EPHA6: variants seen among roughly 807,000 people sequenced by gnomAD.
The protein encoded by EPHA6 is ephrin type-A receptor 6.
In EPHA6, 50 loss-of-function variants were observed where a neutral mutation model predicts 112.0. That is an observed-to-expected ratio of 0.45 (90% CI 0.36 to 0.56). The LOEUF is 0.56. Among genes scored for constraint, EPHA6 ranks in the 20% least tolerant of loss-of-function variants. EPHA6 has a pLI of 0.00. For missense variants in EPHA6, 1,280 were observed against 1,417.4 expected (o/e 0.90, Z 1.56); for synonymous variants, 529 against 490.7 (o/e 1.08, Z -1.03).
At chr3:97,193,610 A>G (rs185047904) in intron 3 of EPHA6, among the ~76,000 whole-genome samples, 1 of 149,516 alleles carries the variant, frequency 6.7e-6, no homozygotes, top group African/African-American at 2.5e-5. Context: ...TTTTTTTCTG[A>G]TTTGGTTGTC....
chr3:96,938,388 C>A (rs1319072912), intron 2 of EPHA6, among the ~76,000 whole-genome samples: 1 of 150,308 alleles, frequency 6.7e-6, no homozygotes, highest in African/African-American at 2.4e-5. Context: ...TGGGAGTTCA[C>A]TCATGATTTG....
chr3:97,214,034 T>TGAGAGA (rs1362165344), intron 3 of EPHA6, among the ~76,000 whole-genome samples: 10 of 131,732 alleles, frequency 7.6e-5, no homozygotes, highest in Middle Eastern at 3.6e-3. Context: ...TGTGTGTGTG[T>TGAGAGA]GTGTGAGAGA....
chr3:96,980,657 C>T (rs563897612), intron 2 of EPHA6, among the ~76,000 whole-genome samples: 1 of 152,188 alleles, frequency 6.6e-6, no homozygotes, highest in South Asian at 2.1e-4. Context: ...TGGCCATTTT[C>T]ATGATATTGA....
chr3:97,606,597 G>A (rs946902250), intron 12 of EPHA6, among the ~76,000 whole-genome samples: 2 of 151,272 alleles, frequency 1.3e-5, no homozygotes, highest in East Asian at 1.9e-4. Flanking sequence ...AACTGAATGA[G>A]GATGAGATGT....
At chr3:97,094,545 T>G (rs1312872157) in intron 3 of EPHA6, among the ~76,000 whole-genome samples, 1 of 152,196 alleles carries the variant, frequency 6.6e-6, no homozygotes, top group African/African-American at 2.4e-5. Flanking sequence ...AGTTTAGAAA[T>G]ATTAGTGCTA....
intron 3 of EPHA6, among the ~76,000 whole-genome samples, chr3:97,200,814 T>C (rs1358569223): frequency 3.9e-5 from 6 of 152,164 alleles, no homozygotes; most frequent in Non-Finnish European, 8.8e-5. Flanking sequence ...TGAAAATAGA[T>C]GTAGTCATAA....
At chr3:97,598,257 T>C (rs2093610970) in intron 12 of EPHA6, among the ~76,000 whole-genome samples, 1 of 151,914 alleles carries the variant, frequency 6.6e-6, no homozygotes. Flanking sequence ...TCAGGTCATT[T>C]AGTTAAGTTT....
At chr3:97,492,476 A>C (rs2091867754) in intron 10 of EPHA6, among the ~76,000 whole-genome samples, 1 of 141,990 alleles carries the variant, frequency 7.0e-6, no homozygotes, top group African/African-American at 2.6e-5. Context: ...AGGGAGGCGG[A>C]GATTGTAGTG....
intron 5 of EPHA6, among the ~76,000 whole-genome samples, chr3:97,282,567 C>T (rs2080322729): frequency 6.6e-6 from 1 of 151,928 alleles, no homozygotes; most frequent in Non-Finnish European, 1.5e-5. Flanking sequence ...TTCGCAATAG[C>T]AAAGACATGG....
rs1381967647 is a variant in EPHA6 at position 97,434,652 on chromosome 3, T to C, written c.1732-13916T>C. On this transcript the variant is annotated intron_variant, in intron 6 of 17. Transcript: ENST00000389672. ...CTTGTTCCAGGTATCTATTATTGCATAATTTTTAAGCCAAAATGTAGTGGC... is the reference window on the plus strand; with the variant it reads ...CTTGTTCCAGGTATCTATTATTGCACAATTTTTAAGCCAAAATGTAGTGGC... 3.3e-5 allele frequency among the ~76,000 whole-genome samples: 5 copies of C among 152,136 alleles called. No individual in the cohort carries two copies. The East Asian group carries it at 7.7e-4, about 23-fold the overall frequency.
intron 2 of EPHA6, among the ~76,000 whole-genome samples, chr3:96,981,928 A>G (rs922381224): frequency 1.3e-5 from 2 of 151,940 alleles, no homozygotes; most frequent in Non-Finnish European, 2.9e-5. Context: ...TATTACATCT[A>G]TTTGATTCTT....
intron 12 of EPHA6, among the ~76,000 whole-genome samples, chr3:97,594,328 C>A (rs1267462630): frequency 6.6e-6 from 1 of 152,214 alleles, no homozygotes; most frequent in East Asian, 1.9e-4. Flanking sequence ...AGAGAGGGAT[C>A]TAAAAGAACA....
At chr3:97,640,272 G>C (rs1003561769) in intron 14 of EPHA6, among the ~76,000 whole-genome samples, 1 of 152,084 alleles carries the variant, frequency 6.6e-6, no homozygotes, top group Non-Finnish European at 1.5e-5. Context: ...AAAGAAAAAA[G>C]ACATGGAAAT....
intron 3 of EPHA6, among the ~76,000 whole-genome samples, chr3:97,041,146 C>A (rs905688823): frequency 9.9e-5 from 15 of 152,088 alleles, no homozygotes; most frequent in African/African-American, 3.6e-4. Flanking sequence ...TAGTCAAAAA[C>A]AACGAAATCA....
rs2045448059 is a variant in EPHA6 at position 97,044,862 on chromosome 3, A to G, written c.1114+56869A>G. On this transcript the variant is annotated intron_variant, in intron 3 of 17. Coordinates refer to ENST00000389672, the MANE Select transcript of EPHA6 (RefSeq NM_001080448.3). ...GTAAACTATAAAAACTTGGTCACCA[A>G]CTTTTTTTAAAACAAAGTATATGCA... Among the ~76,000 whole-genome samples, 3 of 152,222 alleles carry G rather than the reference A, an allele frequency of 2.0e-5. No homozygotes were observed. In the South Asian group the frequency reaches 6.2e-4, roughly 32 times the overall value.
At chr3:97,016,088 G>T (rs1219549037) in intron 3 of EPHA6, among the ~76,000 whole-genome samples, 1 of 148,720 alleles carries the variant, frequency 6.7e-6, no homozygotes, top group Non-Finnish European at 1.5e-5. Context: ...AATATAAAAA[G>T]AAAATCCCAA....
chr3:97,216,155 C>A (rs1288699825), intron 3 of EPHA6, among the ~76,000 whole-genome samples: 1 of 152,140 alleles, frequency 6.6e-6, no homozygotes, highest in African/African-American at 2.4e-5. Flanking sequence ...ACAAGCATGG[C>A]TCCAGCATCT....
chr3:96,987,429 A>G lies in EPHA6; in HGVS notation c.550A>G (p.Asn184Asp). 33 of 1,613,978 alleles carry G rather than the reference A, an allele frequency of 2.0e-5. No homozygotes were observed. Among genetic ancestry groups the G allele is most frequent in the Non-Finnish European group, 2.8e-5 (33 of 1,179,874 alleles). The change falls in exon 3 of 18, where the codon AAC becomes GAC. Residue 184 changes from asparagine to aspartate, a missense_variant. Coordinates refer to ENST00000389672, the MANE Select transcript of EPHA6 (RefSeq NM_001080448.3). ...EPNQNNWLRT[N>D]WISRDAAQKI... ...AAACCAAAACAACTGGCTTCGTACA[A>G]ACTGGATCTCCCGTGATGCAGCTCA... is the stretch of plus-strand genomic sequence containing the variant.
chr3:97,462,329 TATG>T (rs1220975390), intron 7 of EPHA6, among the ~76,000 whole-genome samples: 1 of 152,172 alleles, frequency 6.6e-6, no homozygotes, highest in East Asian at 1.9e-4. Flanking sequence ...CTGAGTTCAG[TATG>T]ATTTTTTGGA....
Sources: gnomAD v4.1 joint callset for allele counts (sites outside exome capture counted in the v4.1 genomes callset) on GRCh38, gnomAD v4.1.1 for gene constraint, MANE v1.5 for transcripts, NCBI Gene and HGNC (gene_info 2026-07-23, HGNC 2026-07-21) for gene names.